The following AGTPBP1 variants were observed in gnomAD, a reference collection of about 807,000 sequenced individuals.
AGTPBP1 encodes ATP/GTP binding carboxypeptidase 1, also known as cytosolic carboxypeptidase 1.
A neutral mutation model predicts 143.9 loss-of-function variants in AGTPBP1; 70 were observed. The observed-to-expected ratio is 0.49, with a 90% confidence interval of 0.40 to 0.59. The LOEUF is 0.59. Among genes scored for constraint, AGTPBP1 ranks in the 20% least tolerant of loss-of-function variants. AGTPBP1 has a pLI of 0.00. For missense variants in AGTPBP1, 1,229 were observed against 1,464.5 expected, an observed-to-expected ratio of 0.84 and a Z score of 2.62; for synonymous variants, 463 against 500.2, an observed-to-expected ratio of 0.93 and a Z score of 0.99.
At chr9:85,706,705 C>A (rs990863613) in intron 2 of AGTPBP1, among the ~76,000 whole-genome samples, 18 of 151,322 alleles carry the variant, frequency 1.2e-4, no homozygotes, top group African/African-American at 4.4e-4. Flanking sequence ...CTCATCTCTA[C>A]TAAAAATACA....
chr9:85,567,280 C>T (rs186563035), intron 25 of AGTPBP1, among the ~76,000 whole-genome samples: 4 of 152,238 alleles, frequency 2.6e-5, no homozygotes, highest in East Asian at 1.9e-4. Flanking sequence ...GAAAGAATAA[C>T]GGCCATAGGA....
intron 1 of AGTPBP1, among the ~76,000 whole-genome samples, chr9:85,732,752 T>C (rs769977844): frequency 2.6e-5 from 4 of 152,052 alleles, no homozygotes; most frequent in East Asian, 1.9e-4. Flanking sequence ...TTAGATCCCA[T>C]TGCACAAATA....
At chr9:85,662,645 T>C (rs532636080) in intron 8 of AGTPBP1, among the ~76,000 whole-genome samples, 1 of 152,290 alleles carries the variant, frequency 6.6e-6, no homozygotes, top group South Asian at 2.1e-4. Context: ...AGGTGCTTTA[T>C]ATATGTGTTT....
At chr9:85,548,665 G>GTT (rs779748206) in intron 25 of AGTPBP1, among the ~76,000 whole-genome samples, 8 of 141,264 alleles carry the variant, frequency 5.7e-5, no homozygotes, top group East Asian at 2.0e-4. Context: ...TTTGGCTTTG[G>GTT]TTTTTTTTTG....
At chr9:85,750,845 T>TA in the AGTPBP1 span, among the ~76,000 whole-genome samples, 1 of 152,196 alleles carries the variant, frequency 6.6e-6, no homozygotes, top group Non-Finnish European at 1.5e-5. Flanking sequence ...TATAAGCCCC[T>TA]ACTGAGGCTA....
intron 25 of AGTPBP1, among the ~76,000 whole-genome samples, chr9:85,573,022 A>G (rs950082731): frequency 6.6e-6 from 1 of 152,208 alleles, no homozygotes; most frequent in Non-Finnish European, 1.5e-5. Flanking sequence ...ACACAAAACC[A>G]TAAAATGCTA....
intron 1 of AGTPBP1, among the ~76,000 whole-genome samples, chr9:85,720,679 T>C (rs759200352): frequency 6.6e-6 from 1 of 152,140 alleles, no homozygotes; most frequent in African/African-American, 2.4e-5. Context: ...TCTGCTCTAA[T>C]CTTAGTTATT....
At chr9:85,799,799 T>A in the AGTPBP1 span, among the ~76,000 whole-genome samples, 1 of 152,154 alleles carries the variant, frequency 6.6e-6, no homozygotes, top group Admixed American at 6.5e-5. Flanking sequence ...ATTACAGGTG[T>A]TAGCCAGTGC....
At chr9:85,680,895 G>A (rs555023426) in intron 4 of AGTPBP1, among the ~76,000 whole-genome samples, 3 of 152,128 alleles carry the variant, frequency 2.0e-5, no homozygotes, top group Admixed American at 6.5e-5. Flanking sequence ...AACAATAAAC[G>A]ATAATTTTCA....
intron 3 of AGTPBP1, among the ~76,000 whole-genome samples, chr9:85,689,631 A>T (rs957380477): frequency 2.0e-5 from 3 of 152,020 alleles, no homozygotes; most frequent in African/African-American, 7.3e-5. Flanking sequence ...ACAGTGGCTC[A>T]CGCCTGTAAT....
intron 1 of AGTPBP1, among the ~76,000 whole-genome samples, chr9:85,715,607 C>G (rs1837653640): frequency 6.6e-6 from 1 of 152,194 alleles, no homozygotes; most frequent in Non-Finnish European, 1.5e-5. Flanking sequence ...ATTCTGCTTT[C>G]TAGGCTTAAG....
the AGTPBP1 span, chr9:85,770,433 A>G: frequency 8.7e-6 from 14 of 1,600,104 alleles, no homozygotes; most frequent in African/African-American, 1.3e-5. Context: ...TCTTGGAAAA[A>G]CTAGCTTGCC....
intron 8 of AGTPBP1, among the ~76,000 whole-genome samples, chr9:85,662,078 G>A (rs569202662): frequency 6.6e-6 from 1 of 152,216 alleles, no homozygotes; most frequent in African/African-American, 2.4e-5. Flanking sequence ...TAAAGTAAAA[G>A]TTGCATACAT....
At chr9:85,565,042 C>T (rs572425484) in intron 25 of AGTPBP1, among the ~76,000 whole-genome samples, 1 of 152,280 alleles carries the variant, frequency 6.6e-6, no homozygotes, top group Non-Finnish European at 1.5e-5. Flanking sequence ...CAGCCATTGC[C>T]TTGCTCTTGG....
At chr9:85,675,603 A>C (rs1834776149) in intron 6 of AGTPBP1, among the ~76,000 whole-genome samples, 4 of 152,256 alleles carry the variant, frequency 2.6e-5, no homozygotes, top group South Asian at 4.1e-4. Flanking sequence ...TTACAAACAC[A>C]CTTGAGAGGG....
chr9:85,746,827 A>C (rs147137474), upstream of AGTPBP1, among the ~76,000 whole-genome samples: 1 of 151,984 alleles, frequency 6.6e-6, no homozygotes, highest in Non-Finnish European at 1.5e-5. Context: ...TCATTTCACT[A>C]TGTATATCAA....
At chr9:85,669,717 C>T (rs868828271) in intron 7 of AGTPBP1, 139 bp from the exon 8 acceptor site, 10 of 481,364 alleles carry the variant, frequency 2.1e-5, no homozygotes, top group Non-Finnish European at 3.0e-5. Flanking sequence ...TCCATCTAAG[C>T]TAACCACATG....
chr9:85,717,750 TACATTGC>T (rs1057029455), intron 1 of AGTPBP1, among the ~76,000 whole-genome samples: 1 of 151,774 alleles, frequency 6.6e-6, no homozygotes, highest in African/African-American at 2.4e-5. Context: ...TCCATAGGTA[TACATTGC>T]CATGTTGGTT....
rs537270598 is a variant in AGTPBP1, at chr9:85,613,050, TGAAA to T, written c.2335+5929_2335+5932del. Among the ~76,000 whole-genome samples the T allele has an allele frequency of 1.4e-3, 218 of 152,114 alleles. 2 individuals carry two copies. Among genetic ancestry groups the T allele is most frequent in the African/African-American group, 5.0e-3 (207 of 41,528 alleles). ...TCAGTGAACAAAATGGATTAAAATT[TGAAA>T]GAATGAGAAAAGTCTTCACAAAAAT... is the stretch of plus-strand genomic sequence containing the variant. On this transcript the variant is annotated intron_variant, in intron 17 of 25. Transcript: ENST00000357081.
Sources: allele counts gnomAD v4.1 joint callset (sites outside exome capture counted in the v4.1 genomes callset), GRCh38; gene constraint gnomAD v4.1.1; transcripts MANE v1.5; gene names NCBI Gene and HGNC (gene_info 2026-07-23, HGNC 2026-07-21).